SRSF1: variants seen among roughly 807,000 people sequenced by gnomAD.
SRSF1 encodes serine/arginine-rich splicing factor 1.
Under a neutral mutation model 25.9 loss-of-function variants are expected in SRSF1, and 1 was observed. The observed-to-expected ratio is 0.04, with a 90% CI of 0.01 to 0.18. The LOEUF (loss-of-function observed/expected upper bound fraction) is 0.18, where lower values mean the gene tolerates loss of function less well. Ranked by LOEUF, SRSF1 falls within the 10% of genes least tolerant of loss-of-function variation. The probability of loss-of-function intolerance (pLI) is 1.00; values close to 1 mark genes in which losing one functional copy is unlikely to be tolerated. For missense variants in SRSF1, 65 were observed against 350.5 expected, an observed-to-expected ratio of 0.19 and a Z score of 6.50; for synonymous variants, 132 against 126.2, an observed-to-expected ratio of 1.05 and a Z score of -0.31.
rs767357609 is a variant in SRSF1, at chr17:58,006,551, G to C, written c.195-24C>G. 3.8e-6 allele frequency: 6 copies of C among 1,597,020 alleles called. No homozygotes were observed. The East Asian group carries it at 6.8e-5, about 18-fold the overall frequency. ...CTCTGCGGGATCGCAGAAAGTAAAA[G>C]GGATGAGAAACACCAGGAGGAGAAG... On this transcript the variant is annotated intron_variant, in intron 1 of 3. Coordinates refer to ENST00000258962, the MANE Select transcript of SRSF1 (RefSeq NM_006924.5).
downstream of SRSF1, among the ~76,000 whole-genome samples, chr17:57,998,006 G>C (rs1043411912): frequency 6.6e-6 from 1 of 152,160 alleles, no homozygotes; most frequent in African/African-American, 2.4e-5. Flanking sequence ...CTTGAGATCA[G>C]AAGTTCAGAG....
Position 58,007,145 on chromosome 17 carries a change from A to G in SRSF1, c.-8T>C. The G allele has an allele frequency of 6.2e-7, 1 of 1,613,798 alleles. No individual in the cohort carries two copies. The highest frequency in any genetic ancestry group is 8.5e-7 in the Non-Finnish European group (1 of 1,179,934). On this transcript the variant is annotated 5_prime_UTR_variant, in exon 1 of 4. Coordinates refer to ENST00000258962, the MANE Select transcript of SRSF1 (RefSeq NM_006924.5). ...CACACCACCTCCCGACATGGCGGTG[A>G]CGAAAAGCGCGGACTCGAGAACAGG...
downstream of SRSF1, among the ~76,000 whole-genome samples, chr17:57,996,501 A>AAAAC (rs930956145): frequency 5.9e-5 from 9 of 151,304 alleles, no homozygotes; most frequent in African/African-American, 2.2e-4. Context: ...AAAAAAAAAA[A>AAAAC]AACAGCCTTT....
chr17:58,005,162 A>T lies in SRSF1; in HGVS notation c.*244T>A. On this transcript the variant is annotated 3_prime_UTR_variant, in exon 4 of 4. Transcript: ENST00000258962. This position sits in a 1 kb window ranked among gnomAD's most constrained non-coding sequence, Gnocchi z 5.2. The stretch of plus-strand genomic sequence containing the variant: ...GGCAGATAGACATTTACACAATATC[A>T]CAGTCTGAAGAGTATGGAGTTAACT... 1.8e-6 allele frequency: 1 copy of T among 557,710 alleles called. No homozygotes were observed. The highest frequency in any genetic ancestry group is 3.3e-5 in the Admixed American group (1 of 30,386). The allele number at this position is 557,710 out of a possible 1,614,324, so 34.5% of individuals were successfully genotyped here. A position where few individuals can be genotyped will look rare whatever the true frequency, so the allele number is the denominator to read the frequency against.
the SRSF1 span, chr17:57,989,824 GA>G: frequency 2.5e-6 from 1 of 398,334 alleles, no homozygotes; most frequent in African/African-American, 2.1e-5. Context: ...AGAAAATGAT[GA>G]AAGAGTTTCT....
intron 2 of SRSF1, 101 bp from the exon 3 acceptor site, chr17:58,006,074 G>A (rs1342532711): frequency 6.9e-6 from 8 of 1,151,126 alleles, no homozygotes; most frequent in Non-Finnish European, 9.7e-6. Context: ...GTACTTAATA[G>A]GTGTACTTAA....
At chr17:57,997,848 A>G (rs2075370917), downstream of SRSF1, among the ~76,000 whole-genome samples, 1 of 152,202 alleles carries the variant, frequency 6.6e-6, no homozygotes, top group Non-Finnish European at 1.5e-5. Flanking sequence ...TTAGAGTACA[A>G]AGGAGCCATT....
Position 58,001,267 on chromosome 17 carries a change from CAAGAA to C in SRSF1, c.*4134_*4138del, listed in dbSNP as rs1453731476. Among the ~76,000 whole-genome samples, 2 of 151,964 alleles carry C rather than the reference CAAGAA, an allele frequency of 1.3e-5. No homozygotes were observed. The highest frequency in any genetic ancestry group is 3.9e-4 in the East Asian group (2 of 5,192). On this transcript the variant is annotated 3_prime_UTR_variant, in exon 4 of 4. Coordinates refer to ENST00000258962, the MANE Select transcript of SRSF1 (RefSeq NM_006924.5). ...ACAATGTTTCAAAGACAACAAACAC[CAAGAA>C]AAGTTGAGATTCTACAATAAATCAT...
At chr17:57,996,028 TAAG>T (rs1277002400), downstream of SRSF1, among the ~76,000 whole-genome samples, 3 of 152,280 alleles carry the variant, frequency 2.0e-5, no homozygotes. Flanking sequence ...GTTACTATTC[TAAG>T]AATATGCATG....
chr17:57,998,878 C>T (rs1427533666), downstream of SRSF1, among the ~76,000 whole-genome samples: 4 of 152,194 alleles, frequency 2.6e-5, no homozygotes, highest in African/African-American at 2.4e-5. Context: ...CCACACCTGT[C>T]TTCTGGATGA....
downstream of SRSF1, among the ~76,000 whole-genome samples, chr17:58,000,816 T>C (rs985765145): frequency 6.6e-6 from 1 of 152,178 alleles, no homozygotes; most frequent in African/African-American, 2.4e-5. Flanking sequence ...ATATACCCTG[T>C]ATTACATAAA....
intron 2 of SRSF1, 91 bp from the exon 3 acceptor site, chr17:58,006,064 G>A (rs2075424838): frequency 1.6e-6 from 2 of 1,242,492 alleles, no homozygotes; most frequent in South Asian, 2.9e-5. Context: ...GTACTTTAAA[G>A]TACTTAATAG....
At chr17:57,989,753 G>T in the SRSF1 span, 1 of 398,536 alleles carries the variant, frequency 2.5e-6, no homozygotes, top group Admixed American at 4.4e-5. Flanking sequence ...TCTGCAGTTT[G>T]GATCAGTAGC....
chr17:57,997,262 T>C (rs2075368915), downstream of SRSF1, among the ~76,000 whole-genome samples: 1 of 152,320 alleles, frequency 6.6e-6, no homozygotes, highest in African/African-American at 2.4e-5. Flanking sequence ...GGCTAGCATT[T>C]AGATTAATTC....
chr17:58,007,150 A>G lies in SRSF1; in HGVS notation c.-13T>C. Reference sequence around the variant, plus strand: ...CACCTCCCGACATGGCGGTGACGAAAAGCGCGGACTCGAGAACAGGCCTTC... The same window carrying G: ...CACCTCCCGACATGGCGGTGACGAAGAGCGCGGACTCGAGAACAGGCCTTC... On this transcript the variant is annotated 5_prime_UTR_variant, in exon 1 of 4. Coordinates refer to ENST00000258962, the MANE Select transcript of SRSF1 (RefSeq NM_006924.5). 1 of 1,613,640 alleles carries G rather than the reference A, an allele frequency of 6.2e-7. No homozygotes were observed. The highest frequency in any genetic ancestry group is 8.5e-7 in the Non-Finnish European group (1 of 1,179,894).
chr17:57,995,474 T>C, the SRSF1 span, among the ~76,000 whole-genome samples: 1 of 152,208 alleles, frequency 6.6e-6, no homozygotes, highest in Non-Finnish European at 1.5e-5. Context: ...CACTGCACAC[T>C]GGAAAGCCAA....
At chr17:57,997,546 A>T (rs796427923), downstream of SRSF1, among the ~76,000 whole-genome samples, 2 of 152,230 alleles carry the variant, frequency 1.3e-5, no homozygotes, top group South Asian at 4.1e-4. Context: ...GTGATTGAGA[A>T]CAGGATAAAT....
the SRSF1 span, chr17:57,992,124 G>A: frequency 6.6e-6 from 1 of 152,184 alleles, no homozygotes; most frequent in Non-Finnish European, 1.5e-5. Context: ...AAACCTATCA[G>A]CTTCATCCAT....
the SRSF1 span, chr17:57,993,858 C>CGTGA: frequency 6.6e-6 from 1 of 152,290 alleles, no homozygotes; most frequent in Non-Finnish European, 1.5e-5. Context: ...ACCTCCTCAA[C>CGTGA]TTCACCTCCC....
Sources: gnomAD v4.1 joint callset for allele counts (sites outside exome capture counted in the v4.1 genomes callset) on GRCh38, gnomAD v4.1.1 for gene constraint, Gnocchi (gnomAD v3.1) non-coding constraint, MANE v1.5 for transcripts, NCBI Gene and HGNC (gene_info 2026-07-23, HGNC 2026-07-21) for gene names.